ABI3BP: variants seen among roughly 807,000 people sequenced by gnomAD.
The protein encoded by ABI3BP is target of Nesh-SH3.
Under a neutral mutation model 268.6 loss-of-function variants are expected in ABI3BP, and 216 were observed. The ratio of observed to expected loss-of-function variants is 0.80; its 90% CI spans 0.72 to 0.90. ABI3BP has a LOEUF of 0.90. Ranked by LOEUF, ABI3BP falls within the 40% of genes least tolerant of loss-of-function variation. The pLI, the probability that ABI3BP is intolerant of heterozygous loss-of-function variation, is 0.00. For missense variants in ABI3BP, 2,090 were observed against 2,182.4 expected, an observed-to-expected ratio of 0.96 and a Z score of 0.84; for synonymous variants, 730 against 730.0, an observed-to-expected ratio of 1.00 and a Z score of 0.00.
In ABI3BP at chr3:100,960,770, C is replaced by T. The variant is rs529639620; in HGVS notation, c.79+32536G>A. ...GGACTCTAGAAGCTGAAAATGACTT[C>T]CAGCCAATAGTCAGCAAGGAAAGAG... On this transcript the variant is annotated intron_variant, in intron 1 of 67. Coordinates refer to ENST00000471714, the MANE Select transcript of ABI3BP (RefSeq NM_001375547.2). Among the ~76,000 whole-genome samples the T allele has an allele frequency of 2.0e-5, 3 of 152,270 alleles. No homozygotes were observed. The East Asian group carries it at 5.8e-4, about 29-fold the overall frequency.
chr3:100,907,853 C>T (rs1001952475), intron 2 of ABI3BP, among the ~76,000 whole-genome samples: 7 of 151,938 alleles, frequency 4.6e-5, no homozygotes, highest in South Asian at 4.1e-4. Context: ...TGGTAGCTCA[C>T]GCCTGTAATC....
rs1007224002 is a variant in ABI3BP, at chr3:100,843,833, C to G, written c.1724-1794G>C. On this transcript the variant is annotated intron_variant, in intron 20 of 67. Transcript: ENST00000471714. ...ATTGTAATTCATGTTTTTGATTCTA[C>G]AAAGTTGCCTTCCACAAGTGAAAAA... 22 of 985,088 alleles carry G rather than the reference C, an allele frequency of 2.2e-5. No homozygotes were observed. In the African/African-American group the frequency reaches 3.7e-4, roughly 16 times the overall value. 61.0% of individuals were successfully genotyped at this position (985,088 alleles called of 1,614,324 possible).
At chr3:100,929,437 C>G (rs1347608725) in intron 1 of ABI3BP, among the ~76,000 whole-genome samples, 3 of 152,054 alleles carry the variant, frequency 2.0e-5, no homozygotes, top group Non-Finnish European at 4.4e-5. Context: ...ACATCAACAT[C>G]ATATAACTAT....
chr3:100,882,512 A>G (rs1438767869), intron 6 of ABI3BP, among the ~76,000 whole-genome samples: 2 of 151,610 alleles, frequency 1.3e-5, no homozygotes, highest in African/African-American at 4.8e-5. Context: ...GAAGGCTTAA[A>G]ATATCTTTTT....
intron 28 of ABI3BP, 54 bp from the exon 29 acceptor site, chr3:100,834,827 G>C (rs2098550740): frequency 2.7e-6 from 4 of 1,470,572 alleles, no homozygotes; most frequent in Non-Finnish European, 3.7e-6. Context: ...ACCAAAGAAA[G>C]GATTACACAT....
chr3:100,859,694 T>TAA (rs1295079010), intron 14 of ABI3BP, among the ~76,000 whole-genome samples: 1 of 152,156 alleles, frequency 6.6e-6, no homozygotes, highest in Non-Finnish European at 1.5e-5. Flanking sequence ...AAATGTAACG[T>TAA]AAGTTAGGAA....
intron 49 of ABI3BP, 68 bp from the exon 50 acceptor site, chr3:100,808,303 A>G: frequency 1.7e-6 from 2 of 1,201,352 alleles, no homozygotes; most frequent in Non-Finnish European, 2.3e-6. Flanking sequence ...AGCCTCTAGA[A>G]GCTCAGGGAT....
At chr3:100,799,982 C>T (rs1399988549) in intron 51 of ABI3BP, among the ~76,000 whole-genome samples, 1 of 152,132 alleles carries the variant, frequency 6.6e-6, no homozygotes, top group Admixed American at 6.6e-5. Context: ...TCTCTCTATT[C>T]CCTGTTTCAG....
chr3:100,782,271 G>C (rs2096889910), intron 57 of ABI3BP, among the ~76,000 whole-genome samples: 1 of 152,166 alleles, frequency 6.6e-6, no homozygotes, highest in South Asian at 2.1e-4. Flanking sequence ...TAGAAATCTA[G>C]GAGCTCTGAA....
chr3:100,843,811 G>A lies in ABI3BP; in HGVS notation c.1724-1772C>T, dbSNP rs2098737430. The A allele has an allele frequency of 4.1e-6, 4 of 985,066 alleles. No individual in the cohort carries two copies. In the South Asian group the frequency reaches 1.9e-4, roughly 46 times the overall value. 61.0% of individuals were successfully genotyped at this position (985,066 alleles called of 1,614,324 possible). On this transcript the variant is annotated intron_variant, in intron 20 of 67. Coordinates refer to ENST00000471714, the MANE Select transcript of ABI3BP (RefSeq NM_001375547.2). ...AAAATTATTTTGAAACTTCAAGATTGTAATTCATGTTTTTGATTCTACAAA... is the reference window on the plus strand; with the variant it reads ...AAAATTATTTTGAAACTTCAAGATTATAATTCATGTTTTTGATTCTACAAA...
At chr3:100,974,447 C>G (rs1209962126) in intron 1 of ABI3BP, among the ~76,000 whole-genome samples, 2 of 151,958 alleles carry the variant, frequency 1.3e-5, no homozygotes, top group African/African-American at 4.8e-5. Context: ...TTAATACATG[C>G]AACAACATGG....
chr3:100,845,834 G>A (rs1580233722), intron 20 of ABI3BP, among the ~76,000 whole-genome samples: 1 of 144,268 alleles, frequency 6.9e-6, no homozygotes, highest in South Asian at 2.3e-4. Context: ...ATCCCTTCCT[G>A]CAAAAGCAGC....
chr3:100,929,862 C>A (rs2063056316), intron 1 of ABI3BP, among the ~76,000 whole-genome samples: 1 of 151,846 alleles, frequency 6.6e-6, no homozygotes, highest in Admixed American at 6.6e-5. Context: ...TCAGTGTCAG[C>A]AAAAAGGTTA....
chr3:100,774,700 T>C (rs753842576), intron 60 of ABI3BP, 27 bp from the exon 61 acceptor site: 1 of 1,499,060 alleles, frequency 6.7e-7, no homozygotes, highest in Non-Finnish European at 9.0e-7. Flanking sequence ...ATGAACAGTT[T>C]TGGCAAAAGA....
chr3:100,778,380 G>A lies in ABI3BP; in HGVS notation c.4241-4C>T. 6.2e-7 allele frequency: 1 copy of A among 1,611,682 alleles called. No homozygotes were observed. Among genetic ancestry groups the A allele is most frequent in the Non-Finnish European group, 8.5e-7 (1 of 1,178,484 alleles). On this transcript the variant is annotated splice_region_variant and splice_polypyrimidine_tract_variant and intron_variant, in intron 58 of 67. Coordinates refer to ENST00000471714, the MANE Select transcript of ABI3BP (RefSeq NM_001375547.2). ...GGCAAGGGTGGGCGGCGAGTCCCTG[G>A]GATTGTGGATAAGAGATTGTATTTT...
chr3:100,798,467 G>C (rs9824346), intron 51 of ABI3BP, among the ~76,000 whole-genome samples: 72,885 of 151,774 alleles, frequency 0.48, 18,845 homozygotes, highest in African/African-American at 0.7. Context: ...TCCCTAAAAC[G>C]TACATCTTTC....
At chr3:100,911,797 A>C in intron 2 of ABI3BP, 1 of 1,388,452 alleles carries the variant, frequency 7.2e-7, no homozygotes, top group East Asian at 2.3e-5. Flanking sequence ...AATAGCAGAA[A>C]AATAAGTTCT....
chr3:100,951,689 A>G (rs966301748), intron 1 of ABI3BP, among the ~76,000 whole-genome samples: 1 of 151,950 alleles, frequency 6.6e-6, no homozygotes, highest in Non-Finnish European at 1.5e-5. Context: ...CACCTTGCTC[A>G]AAACCCGCAT....
In ABI3BP at chr3:100,754,659, A is replaced by G. The variant is rs952589051; in HGVS notation, c.4883T>C (p.Leu1628Pro). The G allele has an allele frequency of 1.3e-6, 2 of 1,593,630 alleles. No homozygotes were observed. Among genetic ancestry groups the G allele is most frequent in the Non-Finnish European group, 1.7e-6 (2 of 1,169,060 alleles). ...TGTGTTGCTGACCGGGCCTTCACCA[A>G]GCGGGTTTTTGGGTTTCACCTGGAA... ...YEFQVKPKNP[L>P]GEGPVSNTVA... The change falls in exon 64 of 68, where the codon CTT becomes CCT. Residue 1628 changes from leucine (L) to proline (P), a missense_variant. Coordinates refer to ENST00000471714, the MANE Select transcript of ABI3BP (RefSeq NM_001375547.2).
Sources: gnomAD v4.1 joint callset for allele counts (sites outside exome capture counted in the v4.1 genomes callset) on GRCh38, gnomAD v4.1.1 for gene constraint, MANE v1.5 for transcripts, NCBI Gene and HGNC (gene_info 2026-07-23, HGNC 2026-07-21) for gene names.